PDE3B: variants seen among roughly 807,000 people sequenced by gnomAD.
The protein encoded by PDE3B is cGMP-inhibited 3',5'-cyclic phosphodiesterase 3B.
PDE3B carries 66 observed loss-of-function variants against 116.8 expected under a neutral mutation model. That is an observed-to-expected ratio of 0.56 (90% confidence interval 0.46 to 0.69). The LOEUF is 0.69. Ranked by LOEUF, PDE3B falls within the 30% of genes least tolerant of loss-of-function variation. The probability of loss-of-function intolerance (pLI) is 0.00; values close to 1 mark genes in which losing one functional copy is unlikely to be tolerated. For missense variants in PDE3B, 1,384 were observed against 1,368.1 expected (o/e 1.01, Z -0.18); for synonymous variants, 595 against 533.6 (o/e 1.12, Z -1.59).
At chr11:14,877,509 G>A in the PDE3B span, 1 of 151,902 alleles carries the variant, frequency 6.6e-6, no homozygotes, top group Non-Finnish European at 1.5e-5. Flanking sequence ...GGACACTCAG[G>A]GTCACACAGA....
chr11:14,663,906 C>T (rs187185435), intron 1 of PDE3B, among the ~76,000 whole-genome samples: 1 of 152,264 alleles, frequency 6.6e-6, no homozygotes, highest in African/African-American at 2.4e-5. Context: ...CATCTCTGCA[C>T]CAAGCGGACC....
At chr11:14,669,667 T>C (rs1384605751) in intron 1 of PDE3B, among the ~76,000 whole-genome samples, 7 of 138,950 alleles carry the variant, frequency 5.0e-5, no homozygotes, top group Non-Finnish European at 7.7e-5. Flanking sequence ...TGTGTCCAAG[T>C]GTTCTCACTA....
intron 3 of PDE3B, among the ~76,000 whole-genome samples, chr11:14,787,834 CTA>C (rs543872732): frequency 2.6e-4 from 40 of 151,804 alleles, no homozygotes; most frequent in African/African-American, 9.2e-4. Context: ...AGTTTTCACT[CTA>C]TATGTTACTC....
At chr11:14,844,711 T>C (rs1847553406) in intron 12 of PDE3B, among the ~76,000 whole-genome samples, 4 of 152,216 alleles carry the variant, frequency 2.6e-5, no homozygotes, top group African/African-American at 4.8e-5. Flanking sequence ...GAGGGTCCTA[T>C]GGCCACGGAG....
At chr11:14,775,903 A>G (rs1590133897) in intron 2 of PDE3B, 1 of 152,276 alleles carries the variant, frequency 6.6e-6, no homozygotes, top group East Asian at 1.9e-4. Flanking sequence ...GCCTTTAGTT[A>G]TATATACTAT....
chr11:14,781,760 G>T (rs149476316), intron 2 of PDE3B, among the ~76,000 whole-genome samples: 14 of 152,106 alleles, frequency 9.2e-5, no homozygotes, highest in Non-Finnish European at 1.5e-5. Context: ...CAAGACAGGG[G>T]TGCCTCTCTC....
intron 1 of PDE3B, among the ~76,000 whole-genome samples, chr11:14,661,684 C>A (rs1853918917): frequency 6.6e-6 from 1 of 152,218 alleles, no homozygotes; most frequent in Admixed American, 6.5e-5. Context: ...GGGTCCTAGC[C>A]CACGGAGTCT....
intron 1 of PDE3B, among the ~76,000 whole-genome samples, chr11:14,668,044 A>AT (rs1187982740): frequency 6.6e-6 from 1 of 151,702 alleles, no homozygotes; most frequent in Non-Finnish European, 1.5e-5. Flanking sequence ...AAAAAAAAAA[A>AT]GGTTTGAAGC....
intron 5 of PDE3B, among the ~76,000 whole-genome samples, chr11:14,816,476 A>C (rs529927640): frequency 3.9e-4 from 59 of 152,326 alleles, no homozygotes; most frequent in Middle Eastern, 3.4e-3. Flanking sequence ...ATATACCCAC[A>C]CTGCTTTAGT....
intron 1 of PDE3B, among the ~76,000 whole-genome samples, chr11:14,662,897 T>C (rs368048701): frequency 3.3e-5 from 5 of 152,134 alleles, no homozygotes; most frequent in Admixed American, 6.5e-5. Context: ...GGATATTATC[T>C]AGGAGAACTT....
At chr11:14,776,639 A>T (rs966881703) in intron 2 of PDE3B, 4 of 151,006 alleles carry the variant, frequency 2.6e-5, no homozygotes, top group Admixed American at 1.3e-4. Flanking sequence ...TATAATTAAA[A>T]AATAATAATA....
chr11:14,686,118 T>A (rs1854865705), intron 1 of PDE3B, among the ~76,000 whole-genome samples: 1 of 152,250 alleles, frequency 6.6e-6, no homozygotes, highest in Non-Finnish European at 1.5e-5. Flanking sequence ...TTTACCTAAC[T>A]TCTTCAACCA....
At chr11:14,897,757 G>A in the PDE3B span, among the ~76,000 whole-genome samples, 15 of 152,048 alleles carry the variant, frequency 9.9e-5, no homozygotes, top group East Asian at 3.9e-4. Flanking sequence ...AGGAATACCC[G>A]GCTTTCTAAT....
intron 13 of PDE3B, among the ~76,000 whole-genome samples, chr11:14,860,023 AAGG>A (rs782188062): frequency 7.2e-5 from 11 of 152,212 alleles, no homozygotes; most frequent in Non-Finnish European, 1.0e-4. Context: ...ACTGGTAACA[AAGG>A]AGTACTAGAT....
At chr11:14,758,750 A>G (rs1691831483) in intron 1 of PDE3B, among the ~76,000 whole-genome samples, 1 of 151,630 alleles carries the variant, frequency 6.6e-6, no homozygotes, top group Non-Finnish European at 1.5e-5. Context: ...TCGTCTGCAA[A>G]CAGGGACAAT....
chr11:14,725,297 CTT>C (rs1313805021), intron 1 of PDE3B, among the ~76,000 whole-genome samples: 93 of 129,304 alleles, frequency 7.2e-4, no homozygotes, highest in African/African-American at 2.3e-3. Context: ...CTTTTTCTTT[CTT>C]TCTTTCTTTC....
intron 1 of PDE3B, among the ~76,000 whole-genome samples, chr11:14,761,191 G>A (rs1359430921): frequency 6.6e-6 from 1 of 152,098 alleles, no homozygotes; most frequent in Non-Finnish European, 1.5e-5. Context: ...AAAAATTCTA[G>A]TAGTACATTC....
chr11:14,696,670 A>G (rs888572243), intron 1 of PDE3B, among the ~76,000 whole-genome samples: 2 of 152,064 alleles, frequency 1.3e-5, no homozygotes, highest in Non-Finnish European at 2.9e-5. Flanking sequence ...ATTGATTTAT[A>G]GTAATTCTTT....
intron 2 of PDE3B, among the ~76,000 whole-genome samples, chr11:14,783,776 A>G (rs1858107307): frequency 6.6e-6 from 1 of 152,166 alleles, no homozygotes; most frequent in Non-Finnish European, 1.5e-5. Flanking sequence ...AAAAAAAAGA[A>G]TGAAGGGGAA....
Sources: allele counts gnomAD v4.1 joint callset (sites outside exome capture counted in the v4.1 genomes callset), GRCh38; gene constraint gnomAD v4.1.1; transcripts MANE v1.5; gene names NCBI Gene and HGNC (gene_info 2026-07-23, HGNC 2026-07-21).